The following COLEC12 variants were observed in gnomAD, a reference collection of about 807,000 sequenced individuals.
COLEC12 encodes collectin-12.
A neutral mutation model predicts 71.1 loss-of-function variants in COLEC12; 33 were observed. The ratio of observed to expected loss-of-function variants is 0.46; its 90% CI spans 0.35 to 0.62. COLEC12 has a LOEUF of 0.62. Ranked by LOEUF, COLEC12 falls within the 20% of genes least tolerant of loss-of-function variation. COLEC12 has a pLI of 0.00. For synonymous variants in COLEC12, 350 were observed against 353.0 expected (o/e 0.99, Z 0.10); for missense variants, 765 against 916.1 (o/e 0.84, Z 2.13).
At chr18:336,866 T>TA (rs1914130222) in intron 5 of COLEC12, among the ~76,000 whole-genome samples, 1 of 150,828 alleles carries the variant, frequency 6.6e-6, no homozygotes. Context: ...AGTCTCACTC[T>TA]TTTTTTTTAG....
At chr18:357,645 G>A (rs766796637) in intron 2 of COLEC12, 123 bp from the exon 3 acceptor site, 14 of 725,568 alleles carry the variant, frequency 1.9e-5, no homozygotes, top group Non-Finnish European at 2.9e-5. Context: ...ACTATACTAT[G>A]AGAACTATTT....
chr18:362,655 A>C lies in COLEC12; in HGVS notation c.59-5133T>G, dbSNP rs1488154224. ...TGCTGCAGAGGAGAGATTTCAGTTC[A>C]GGAAGTGAAGCAGTGCTGCCCCTCA... is the stretch of plus-strand genomic sequence containing the variant. On this transcript the variant is annotated intron_variant, in intron 2 of 9. Transcript: ENST00000400256. This position sits in a 1 kb window ranked among gnomAD's most constrained non-coding sequence, Gnocchi z 4.6. Among the ~76,000 whole-genome samples, 1 of 152,156 alleles carries C rather than the reference A, an allele frequency of 6.6e-6. No individual in the cohort carries two copies. The highest frequency in any genetic ancestry group is 2.4e-5 in the African/African-American group (1 of 41,440).
chr18:380,585 TTACACACACTCACA>T lies in COLEC12; in HGVS notation c.59-23077_59-23064del, dbSNP rs1454034587. Among the ~76,000 whole-genome samples the T allele has an allele frequency of 3.9e-5, 6 of 152,256 alleles. No homozygotes were observed. In the East Asian group the frequency reaches 5.8e-4, roughly 15 times the overall value. ...GAATTCCACATGTACACACATTTAA[TTACACACACTCACA>T]TACACACACTCACACACACACGCTT... On this transcript the variant is annotated intron_variant, in intron 2 of 9. Coordinates refer to ENST00000400256, the MANE Select transcript of COLEC12 (RefSeq NM_130386.3).
At chr18:325,211 C>T (rs1017681436) in intron 8 of COLEC12, among the ~76,000 whole-genome samples, 1 of 151,984 alleles carries the variant, frequency 6.6e-6, no homozygotes, top group Non-Finnish European at 1.5e-5. Context: ...AAATAAAACA[C>T]AAAAAACTGA....
At position 366,648 on chromosome 18, in the gene COLEC12, C is replaced by T. The variant is rs146325683; in HGVS notation, c.59-9126G>A. Among the ~76,000 whole-genome samples the T allele has an allele frequency of 6.2e-3, 946 of 152,316 alleles. 13 individuals carry two copies. The highest frequency in any genetic ancestry group is 0.021 in the African/African-American group (886 of 41,562). On this transcript the variant is annotated intron_variant, in intron 2 of 9. Transcript: ENST00000400256. Reference sequence around the variant, plus strand: ...ACCCGCTAGTACTCGGCACATCCTGCGGCTTAACAAAGGCATGACTGGAGT... The same window carrying T: ...ACCCGCTAGTACTCGGCACATCCTGTGGCTTAACAAAGGCATGACTGGAGT...
At chr18:406,353 C>CA (rs1317447350) in intron 2 of COLEC12, among the ~76,000 whole-genome samples, 2 of 151,610 alleles carry the variant, frequency 1.3e-5, no homozygotes, top group African/African-American at 4.9e-5. Flanking sequence ...ACTAAAAATA[C>CA]AAAAAATTAG....
At chr18:352,367 C>A (rs1279509281) in intron 3 of COLEC12, among the ~76,000 whole-genome samples, 1 of 152,156 alleles carries the variant, frequency 6.6e-6, no homozygotes, top group Non-Finnish European at 1.5e-5. Context: ...GCCAAAGAAA[C>A]CTTCAAATAT....
intron 1 of COLEC12, among the ~76,000 whole-genome samples, chr18:485,688 T>C (rs1486402797): frequency 6.6e-6 from 1 of 152,246 alleles, no homozygotes; most frequent in Non-Finnish European, 1.5e-5. Flanking sequence ...TGCACCTTGC[T>C]ATTTCAGAGA....
chr18:498,018 C>T lies in COLEC12; in HGVS notation c.7+2490G>A, dbSNP rs746508171. 4.0e-4 allele frequency among the ~76,000 whole-genome samples: 61 copies of T among 152,122 alleles called. 1 individual carries two copies. The highest frequency in any genetic ancestry group is 1.0e-4 in the Non-Finnish European group (7 of 68,038). ...TCACTTTTTTTTCCAGTCATCTTCA[C>T]CAGAGGTTATCTATTTGGTGTCTTA... On this transcript the variant is annotated intron_variant, in intron 1 of 9. Transcript: ENST00000400256.
chr18:454,559 G>C (rs753804010), intron 2 of COLEC12, among the ~76,000 whole-genome samples: 8 of 152,206 alleles, frequency 5.3e-5, no homozygotes, highest in Non-Finnish European at 8.8e-5. Context: ...GCAGGCGCCT[G>C]TAATTCCCAC....
chr18:331,263 T>G (rs1037336302), intron 8 of COLEC12, among the ~76,000 whole-genome samples: 1 of 152,174 alleles, frequency 6.6e-6, no homozygotes, highest in Non-Finnish European at 1.5e-5. Flanking sequence ...GCACCCACAG[T>G]GTGATCCTGA....
intron 2 of COLEC12, among the ~76,000 whole-genome samples, chr18:439,756 G>A (rs542465557): frequency 2.0e-5 from 3 of 152,160 alleles, no homozygotes; most frequent in Non-Finnish European, 4.4e-5. Context: ...GCAATTTGGT[G>A]CAGTCATTAT....
At chr18:321,343 C>T (rs1045468932) in intron 9 of COLEC12, among the ~76,000 whole-genome samples, 1 of 152,190 alleles carries the variant, frequency 6.6e-6, no homozygotes, top group African/African-American at 2.4e-5. Flanking sequence ...CGTGAGCCAC[C>T]GTGCCTGGCT....
intron 2 of COLEC12, among the ~76,000 whole-genome samples, chr18:387,470 AT>A (rs975978257): frequency 1.4e-3 from 207 of 146,726 alleles, no homozygotes; most frequent in African/African-American, 3.6e-3. Flanking sequence ...CTAGAACTCC[AT>A]TTTTTTTTTA....
chr18:353,484 TTTC>T (rs1914566278), intron 3 of COLEC12, among the ~76,000 whole-genome samples: 1 of 152,232 alleles, frequency 6.6e-6, no homozygotes, highest in African/African-American at 2.4e-5. Flanking sequence ...TCTTTTGGTA[TTTC>T]TTTTTCCTAA....
rs148378296 is a variant in COLEC12 at position 424,960 on chromosome 18, C to T, written c.58+55747G>A. ...TGGGTGTGGGGGAGAGGAGGCGAGC[C>T]GGGCGGCCTTCCCTTACTCACAATA... On this transcript the variant is annotated intron_variant, in intron 2 of 9. Transcript: ENST00000400256. Among the ~76,000 whole-genome samples the T allele has an allele frequency of 6.9e-3, 1,048 of 152,174 alleles. 10 individuals carry two copies. Among genetic ancestry groups the T allele is most frequent in the Non-Finnish European group, 0.011 (760 of 67,996 alleles).
intron 1 of COLEC12, among the ~76,000 whole-genome samples, chr18:481,407 A>C (rs1048924345): frequency 5.3e-5 from 8 of 152,176 alleles, no homozygotes; most frequent in African/African-American, 1.9e-4. Context: ...CCCACCATGG[A>C]AAGAAGAGAG....
intron 2 of COLEC12, among the ~76,000 whole-genome samples, chr18:453,762 T>C (rs771810307): frequency 2.0e-5 from 3 of 152,180 alleles, no homozygotes; most frequent in Non-Finnish European, 4.4e-5. Flanking sequence ...CATCGCAAAC[T>C]TGACATAATA....
chr18:478,482 A>G (rs1917346292), intron 2 of COLEC12, among the ~76,000 whole-genome samples: 2 of 152,142 alleles, frequency 1.3e-5, no homozygotes, highest in African/African-American at 4.8e-5. Context: ...ACATAGTGGC[A>G]CATACCCGTA....
Sources: gnomAD v4.1 joint callset for allele counts (sites outside exome capture counted in the v4.1 genomes callset) on GRCh38, gnomAD v4.1.1 for gene constraint, Gnocchi (gnomAD v3.1) non-coding constraint, MANE v1.5 for transcripts, NCBI Gene and HGNC (gene_info 2026-07-23, HGNC 2026-07-21) for gene names.